TLE5: variants seen among roughly 807,000 people sequenced by gnomAD.
The protein encoded by TLE5 is TLE family member 5, transcriptional modulator.
In TLE5, 7 loss-of-function variants were observed where a neutral mutation model predicts 25.8. That is an observed-to-expected ratio of 0.27 (90% CI 0.15 to 0.51). The LOEUF is 0.51. Ranked by LOEUF, TLE5 falls within the 20% of genes least tolerant of loss-of-function variation. The pLI is 0.97. For missense variants in TLE5, 149 were observed against 250.7 expected, an observed-to-expected ratio of 0.59 and a Z score of 2.74; for synonymous variants, 132 against 110.5, an observed-to-expected ratio of 1.20 and a Z score of -1.22.
intron 6 of TLE5, 33 bp downstream of exon 6, chr19:3,054,087 C>CGGGGGGGCG: frequency 4.1e-6 from 6 of 1,476,408 alleles, no homozygotes; most frequent in Non-Finnish European, 5.5e-6. Context: ...GCCCACCTGT[C>CGGGGGGGCG]CCCCGCCCAC....
intron 6 of TLE5, 34 bp downstream of exon 6, chr19:3,054,086 T>TCGGGGGGGGGGGGGCCCC: frequency 8.6e-6 from 13 of 1,512,728 alleles, no homozygotes; most frequent in Middle Eastern, 2.4e-4. Context: ...GGCCCACCTG[T>TCGGGGGGGGGGGGGCCCC]CCCCCGCCCA....
Position 3,062,295 on chromosome 19 carries a change from C to G in TLE5, c.-95G>C. On this transcript the variant is annotated 5_prime_UTR_variant, in exon 1 of 7. Transcript: ENST00000327141. ...GGCGGCCGCGCCTTTGTCCCGGCGC[C>G]GATCGGCAGCTCCCGGGGCCGCCGC... 1 of 987,654 alleles carries G rather than the reference C, an allele frequency of 1.0e-6. No individual in the cohort carries two copies. Among genetic ancestry groups the G allele is most frequent in the Non-Finnish European group, 1.2e-6 (1 of 832,870 alleles). 61.2% of individuals were successfully genotyped at this position (987,654 alleles called of 1,614,324 possible). A position where few individuals can be genotyped will look rare whatever the true frequency, so the allele number is the denominator to read the frequency against.
At chr19:3,058,220 C>A (rs1004630050) in intron 2 of TLE5, among the ~76,000 whole-genome samples, 2 of 152,082 alleles carry the variant, frequency 1.3e-5, no homozygotes, top group Admixed American at 6.5e-5. Context: ...ATTATAGGAA[C>A]AACAGAAGTT....
chr19:3,057,334 G>A (rs991243638), intron 3 of TLE5: 1 of 337,006 alleles, frequency 3.0e-6, no homozygotes, highest in African/African-American at 2.1e-5. Flanking sequence ...CCTTGGCGGT[G>A]GGGAGGGACT....
At chr19:3,062,611 G>C (rs2090282112), upstream of TLE5, 10 of 1,097,554 alleles carry the variant, frequency 9.1e-6, no homozygotes, top group Middle Eastern at 3.8e-4. Context: ...TCCCCACGCC[G>C]GCCCGCCTCC....
chr19:3,061,624 T>TG (rs2090269180), intron 1 of TLE5, among the ~76,000 whole-genome samples: 1 of 149,142 alleles, frequency 6.7e-6, no homozygotes, highest in African/African-American at 2.5e-5. Context: ...CTCCCCAAGT[T>TG]GGGGGGCAGC....
At chr19:3,058,105 A>G (rs2090235769) in intron 2 of TLE5, among the ~76,000 whole-genome samples, 1 of 151,838 alleles carries the variant, frequency 6.6e-6, no homozygotes, top group Admixed American at 6.6e-5. Flanking sequence ...GCTCTCTGTG[A>G]TGCTGCGGGG....
rs2090277468 is a variant in TLE5 at position 3,062,214 on chromosome 19, G to C, written c.-14C>G. ...TGGAAACATCATGTCAATCGCGGCG[G>C]GGGGCGCGGGCTGCGCCCCGGCTGT... On this transcript the variant is annotated 5_prime_UTR_variant, in exon 1 of 7. Coordinates refer to ENST00000327141, the MANE Select transcript of TLE5 (RefSeq NM_001130.6). 12 of 1,129,860 alleles carry C rather than the reference G, an allele frequency of 1.1e-5. No individual in the cohort carries two copies. Among genetic ancestry groups the C allele is most frequent in the East Asian group, 4.4e-5 (1 of 22,496 alleles). 70.0% of individuals were successfully genotyped at this position (1,129,860 alleles called of 1,614,324 possible).
At position 3,053,870 on chromosome 19, in the gene TLE5, G is replaced by A. The variant is rs748201660; in HGVS notation, c.543C>T (p.Asn181=). The part of the protein sequence containing the change: ...SQAHLSKEDK[N]GHDGDTHQED... ...CCTGGTGGGTGTCACCATCGTGCCC[G>A]TTCTTGTCTTCCTTGGAGAGGTGGG... Residue 181 remains asparagine, a synonymous_variant, in exon 7 of 7, where the codon AAC becomes AAT. Transcript: ENST00000327141. 8.7e-6 allele frequency: 14 copies of A among 1,613,158 alleles called. No individual in the cohort carries two copies. Among genetic ancestry groups the A allele is most frequent in the African/African-American group, 8.0e-5 (6 of 74,910 alleles).
intron 1 of TLE5, 24 bp downstream of exon 1, chr19:3,062,150 G>A: frequency 1.8e-6 from 2 of 1,141,652 alleles, no homozygotes; most frequent in Non-Finnish European, 1.1e-6. Context: ...GGGTGGGGGC[G>A]CCGGCCGGAC....
In TLE5 at chr19:3,057,365, T is replaced by C. The variant is rs573136932; in HGVS notation, c.189+314A>G. On this transcript the variant is annotated intron_variant, in intron 3 of 6. Transcript: ENST00000327141. The stretch of plus-strand genomic sequence containing the variant: ...GGACTCGGCTGCTCCCCCACGTCAG[T>C]TCCTGGCTGTTGGCTTTCACAGCCG... 2.0e-4 allele frequency: 79 copies of C among 400,230 alleles called. No individual in the cohort carries two copies. The East Asian group carries it at 4.0e-3, about 20-fold the overall frequency. The allele number at this position is 400,230 out of a possible 1,614,324, so 24.8% of individuals were successfully genotyped here.
At chr19:3,060,998 G>A (rs918917908) in intron 2 of TLE5, 162 bp downstream of exon 2, 2 of 545,930 alleles carry the variant, frequency 3.7e-6, no homozygotes, top group Admixed American at 2.8e-5. Flanking sequence ...CTACAAAATG[G>A]GGCTGTTTAA....
chr19:3,058,298 C>G (rs1171283620), intron 2 of TLE5, among the ~76,000 whole-genome samples: 2 of 152,148 alleles, frequency 1.3e-5, no homozygotes, highest in Non-Finnish European at 2.9e-5. Context: ...CCCGACGAGG[C>G]CCGCAACGTC....
At chr19:3,057,503 G>A (rs2090229405) in intron 3 of TLE5, 176 bp downstream of exon 3, 3 of 636,214 alleles carry the variant, frequency 4.7e-6, no homozygotes, top group African/African-American at 3.7e-5. Flanking sequence ...CCATCTGCCA[G>A]GCTAGCGAGG....
chr19:3,061,317 C>G (rs909000611), intron 1 of TLE5, 60 bp from the exon 2 acceptor site: 8 of 1,371,638 alleles, frequency 5.8e-6, no homozygotes, highest in East Asian at 2.3e-5. Context: ...CCTCAAGGGC[C>G]GGCTAGGAGG....
chr19:3,057,335 GGGAGGGACTC>G, intron 3 of TLE5: 1 of 337,718 alleles, frequency 3.0e-6, no homozygotes, highest in Non-Finnish European at 5.6e-6. Context: ...CTTGGCGGTG[GGGAGGGACTC>G]GGCTGCTCCC....
At chr19:3,058,610 C>T (rs1451319579) in intron 2 of TLE5, among the ~76,000 whole-genome samples, 1 of 152,148 alleles carries the variant, frequency 6.6e-6, no homozygotes, top group Non-Finnish European at 1.5e-5. Context: ...ACCATTTCTC[C>T]CACTCCACCT....
chr19:3,061,970 G>T (rs1413199357), intron 1 of TLE5, among the ~76,000 whole-genome samples: 1 of 126,068 alleles, frequency 7.9e-6, no homozygotes, highest in Non-Finnish European at 1.7e-5. Context: ...TGGAGGGGGG[G>T]TGTCCGGGGG....
chr19:3,062,857 C>T (rs1479382039), upstream of TLE5: 12 of 1,517,408 alleles, frequency 7.9e-6, no homozygotes, highest in Non-Finnish European at 1.1e-5. Flanking sequence ...CTTGCTGAGC[C>T]TTAGTTTCCT....
Sources: allele counts gnomAD v4.1 joint callset (sites outside exome capture counted in the v4.1 genomes callset), GRCh38; gene constraint gnomAD v4.1.1; transcripts MANE v1.5; gene names NCBI Gene and HGNC (gene_info 2026-07-23, HGNC 2026-07-21).